LARGE1: variants seen among roughly 807,000 people sequenced by gnomAD.
LARGE1 encodes the protein xylosyl- and glucuronyltransferase LARGE1.
LARGE1 carries 43 observed loss-of-function variants against 87.6 expected under a neutral mutation model. The ratio of observed to expected loss-of-function variants is 0.49; its 90% CI spans 0.38 to 0.63. The LOEUF is 0.63. Ranked by LOEUF, LARGE1 falls within the 30% of genes least tolerant of loss-of-function variation. The pLI, the probability that LARGE1 is intolerant of heterozygous loss-of-function variation, is 0.00. For missense variants in LARGE1, 802 were observed against 1,000.2 expected, an observed-to-expected ratio of 0.80 and a Z score of 2.67; for synonymous variants, 434 against 394.6, an observed-to-expected ratio of 1.10 and a Z score of -1.18.
chr22:33,357,709 G>A (rs533795858), intron 9 of LARGE1, among the ~76,000 whole-genome samples: 25 of 151,804 alleles, frequency 1.6e-4, no homozygotes, highest in Non-Finnish European at 2.9e-4. Flanking sequence ...AAGGAGAATC[G>A]CTTCAACCCG....
intron 1 of LARGE1, among the ~76,000 whole-genome samples, chr22:33,818,546 A>G (rs1232627031): frequency 6.6e-6 from 1 of 152,178 alleles, no homozygotes. Context: ...GAAGAGCCCT[A>G]GAAAAAGGGA....
intron 7 of LARGE1, among the ~76,000 whole-genome samples, chr22:33,422,956 A>G (rs943997860): frequency 6.6e-6 from 1 of 151,954 alleles, no homozygotes; most frequent in Non-Finnish European, 1.5e-5. Flanking sequence ...TCCAAACCCT[A>G]TCAATATTTG....
At chr22:33,402,222 T>C (rs2065947701) in intron 7 of LARGE1, among the ~76,000 whole-genome samples, 3 of 152,160 alleles carry the variant, frequency 2.0e-5, no homozygotes. Flanking sequence ...GTAGGTCTGC[T>C]GTGTGATGAA....
chr22:33,169,897 A>C (rs189168560), intron 11 of LARGE1, among the ~76,000 whole-genome samples: 83 of 152,230 alleles, frequency 5.5e-4, no homozygotes, highest in Admixed American at 1.3e-3. Context: ...GCACTGAGAC[A>C]CCAGGGAAAT....
chr22:33,415,749 C>T (rs1322538708), intron 7 of LARGE1, among the ~76,000 whole-genome samples: 2 of 152,268 alleles, frequency 1.3e-5, no homozygotes, highest in African/African-American at 2.4e-5. Context: ...CAACAGGCTG[C>T]AGCCACAGCC....
intron 3 of LARGE1, among the ~76,000 whole-genome samples, chr22:33,642,602 A>C (rs2080472686): frequency 6.6e-6 from 1 of 151,086 alleles, no homozygotes; most frequent in Non-Finnish European, 1.5e-5. Flanking sequence ...AATTGGATAG[A>C]GTCAAGACCC....
chr22:33,867,782 G>A (rs1411140693), intron 1 of LARGE1, among the ~76,000 whole-genome samples: 8 of 152,128 alleles, frequency 5.3e-5, no homozygotes, highest in Admixed American at 2.0e-4. Flanking sequence ...GCTTCACAAC[G>A]TTGTTAGTAG....
chr22:33,333,691 T>C (rs530029891), intron 10 of LARGE1, among the ~76,000 whole-genome samples: 6 of 152,244 alleles, frequency 3.9e-5, no homozygotes, highest in Non-Finnish European at 8.8e-5. Flanking sequence ...TATCCTATGT[T>C]AGGACGGAGA....
In LARGE1 at chr22:33,187,921, C is replaced by CAAAAA. The variant is rs578115819; in HGVS notation, c.1731-21094_1731-21090dup. Reference sequence around the variant, plus strand: ...TGGGCAACAGAGTGAGACTCCGTCTCAAAAAAAAAAAAAAAAAAAAAAAAA... The same window carrying CAAAAA: ...TGGGCAACAGAGTGAGACTCCGTCTCAAAAAAAAAAAAAAAAAAAAAAAAAAAAAA... On this transcript the variant is annotated intron_variant, in intron 11 of 11. Coordinates refer to the LARGE1 transcript ENST00000608642. 2.2e-3 allele frequency among the ~76,000 whole-genome samples: 81 copies of CAAAAA among 36,910 alleles called. 20 individuals are homozygous for CAAAAA. The highest frequency in any genetic ancestry group is 3.2e-3 in the Non-Finnish European group (56 of 17,736). 24.2% of individuals were successfully genotyped at this position (36,910 alleles called of 152,430 possible).
the LARGE1 span, among the ~76,000 whole-genome samples, chr22:33,094,225 C>T: frequency 2.0e-5 from 3 of 152,106 alleles, no homozygotes; most frequent in African/African-American, 7.2e-5. Context: ...GAGGAAAAGG[C>T]GTATCTGGAA....
chr22:33,088,741 G>A, the LARGE1 span, among the ~76,000 whole-genome samples: 348 of 152,304 alleles, frequency 2.3e-3, 3 homozygotes, highest in African/African-American at 8.1e-3. Flanking sequence ...ACAGGCTTAA[G>A]AGCCTAGGGT....
chr22:33,480,441 G>A (rs1275698080), intron 6 of LARGE1, among the ~76,000 whole-genome samples: 1 of 151,986 alleles, frequency 6.6e-6, no homozygotes, highest in Admixed American at 6.6e-5. Context: ...TCATTTCTCT[G>A]GTTCTCTGCC....
At chr22:33,755,749 T>A (rs559888797) in intron 2 of LARGE1, among the ~76,000 whole-genome samples, 40 of 152,126 alleles carry the variant, frequency 2.6e-4, no homozygotes, top group Non-Finnish European at 5.0e-4. Context: ...TGTCCCTCAA[T>A]ACCACAGTCC....
At chr22:33,509,671 C>G (rs1343435937) in intron 6 of LARGE1, among the ~76,000 whole-genome samples, 1 of 152,030 alleles carries the variant, frequency 6.6e-6, no homozygotes, top group Non-Finnish European at 1.5e-5. Context: ...AATCTGGTCT[C>G]AAACTCCTGG....
intron 6 of LARGE1, among the ~76,000 whole-genome samples, chr22:33,535,323 C>G (rs575662612): frequency 6.6e-6 from 1 of 152,316 alleles, no homozygotes; most frequent in East Asian, 1.9e-4. Context: ...GTGGGTGGAT[C>G]TCCGGAGGTC....
At position 33,698,445 on chromosome 22, in the gene LARGE1, G is replaced by A. The variant is rs538805251; in HGVS notation, c.107-47777C>T. Reference sequence around the variant, plus strand: ...CCCCCTGAGTAGCTGAGAGTACAGGGGCACACCACCACGCTCGGCTAATTT... The same window carrying A: ...CCCCCTGAGTAGCTGAGAGTACAGGAGCACACCACCACGCTCGGCTAATTT... On this transcript the variant is annotated intron_variant, in intron 2 of 14. Coordinates refer to ENST00000397394, the MANE Select transcript of LARGE1 (RefSeq NM_133642.5). 1.7e-4 allele frequency among the ~76,000 whole-genome samples: 24 copies of A among 139,484 alleles called. 2 individuals are homozygous for A. The highest frequency in any genetic ancestry group is 3.5e-4 in the African/African-American group (13 of 37,124). 91.5% of individuals were successfully genotyped at this position (139,484 alleles called of 152,430 possible). A position where few individuals can be genotyped will look rare whatever the true frequency, so the allele number is the denominator to read the frequency against.
chr22:33,226,076 T>A (rs2145638919), intron 11 of LARGE1, among the ~76,000 whole-genome samples: 1 of 152,352 alleles, frequency 6.6e-6, no homozygotes, highest in Non-Finnish European at 1.5e-5. Flanking sequence ...ATATACCCAG[T>A]GATGGGACTG....
chr22:33,882,265 C>T (rs2064717621), intron 1 of LARGE1, among the ~76,000 whole-genome samples: 1 of 152,066 alleles, frequency 6.6e-6, no homozygotes, highest in East Asian at 1.9e-4. Context: ...CTCCTGACCT[C>T]GTGATCCGCT....
intron 5 of LARGE1, among the ~76,000 whole-genome samples, chr22:33,601,695 G>A (rs2079117467): frequency 6.6e-6 from 1 of 152,160 alleles, no homozygotes; most frequent in African/African-American, 2.4e-5. Flanking sequence ...GGAATAAAAA[G>A]CAGGTGTCAG....
Sources: gnomAD v4.1 joint callset for allele counts (sites outside exome capture counted in the v4.1 genomes callset) on GRCh38, gnomAD v4.1.1 for gene constraint, MANE v1.5 for transcripts, NCBI Gene and HGNC (gene_info 2026-07-23, HGNC 2026-07-21) for gene names.